Variants in PIP4K2A observed in about 807,000 individuals in gnomAD.
PIP4K2A encodes the protein phosphatidylinositol 5-phosphate 4-kinase type-2 alpha.
In PIP4K2A, 14 loss-of-function variants were observed where a neutral mutation model predicts 42.9. The observed-to-expected ratio is 0.33, with a 90% CI of 0.22 to 0.51. PIP4K2A has a LOEUF of 0.51. PIP4K2A is among the 20% of genes least tolerant of loss of function. PIP4K2A has a pLI of 0.97. For missense variants in PIP4K2A, 434 were observed against 519.8 expected, an observed-to-expected ratio of 0.83 and a Z score of 1.61; for synonymous variants, 192 against 192.2, an observed-to-expected ratio of 1.00 and a Z score of 0.01.
rs144657894 is a variant in PIP4K2A, at chr10:22,640,797, C to T, written c.145-31080G>A. ...CCTAATGCAAAGTGGAAATAAAGTG[C>T]GGATGAAACAGAGAAGCAGTTGCAG... On this transcript the variant is annotated intron_variant, in intron 1 of 9. Coordinates refer to ENST00000376573, the MANE Select transcript of PIP4K2A (RefSeq NM_005028.5). Among the ~76,000 whole-genome samples the T allele has an allele frequency of 3.1e-3, 478 of 152,116 alleles. 4 individuals carry two copies. The highest frequency in any genetic ancestry group is 9.6e-3 in the African/African-American group (400 of 41,496).
intron 1 of PIP4K2A, among the ~76,000 whole-genome samples, chr10:22,703,491 G>C (rs1833755071): frequency 6.6e-6 from 1 of 152,198 alleles, no homozygotes. Context: ...TGGCTGCTCT[G>C]AGCTTGCCTT....
intron 3 of PIP4K2A, among the ~76,000 whole-genome samples, chr10:22,593,573 G>A (rs1022111184): frequency 1.3e-5 from 2 of 152,114 alleles, no homozygotes; most frequent in Non-Finnish European, 1.5e-5. Context: ...GAACAAAAAG[G>A]AAGAAAATCA....
intron 1 of PIP4K2A, among the ~76,000 whole-genome samples, chr10:22,645,443 G>A (rs1838859754): frequency 6.6e-6 from 1 of 151,966 alleles, no homozygotes; most frequent in South Asian, 2.1e-4. Flanking sequence ...CTACTCGGGA[G>A]GCTGAGATGG....
intron 1 of PIP4K2A, among the ~76,000 whole-genome samples, chr10:22,696,396 T>C (rs1481616485): frequency 6.6e-6 from 1 of 152,204 alleles, no homozygotes. Flanking sequence ...TCTTTTCTTC[T>C]TATAAATAAC....
At chr10:22,601,479 T>C (rs988007470) in intron 3 of PIP4K2A, among the ~76,000 whole-genome samples, 2 of 152,152 alleles carry the variant, frequency 1.3e-5, no homozygotes, top group African/African-American at 4.8e-5. Flanking sequence ...GAGAGGGGCC[T>C]CCCTTGGGTC....
At chr10:22,648,124 C>A (rs1838920690) in intron 1 of PIP4K2A, among the ~76,000 whole-genome samples, 1 of 152,154 alleles carries the variant, frequency 6.6e-6, no homozygotes, top group South Asian at 2.1e-4. Flanking sequence ...CAGTCTCTGT[C>A]CTTTCAGAGT....
intron 1 of PIP4K2A, among the ~76,000 whole-genome samples, chr10:22,612,223 C>T (rs1423311580): frequency 1.3e-5 from 2 of 152,234 alleles, no homozygotes; most frequent in Non-Finnish European, 2.9e-5. Flanking sequence ...TCTTTGTCCT[C>T]TTGGGGCTTA....
At chr10:22,615,879 C>T (rs921077108) in intron 1 of PIP4K2A, among the ~76,000 whole-genome samples, 4 of 152,078 alleles carry the variant, frequency 2.6e-5, no homozygotes, top group African/African-American at 9.7e-5. Context: ...AAATTCCCCG[C>T]CCCACACAGA....
At chr10:22,701,851 A>C (rs1833721456) in intron 1 of PIP4K2A, among the ~76,000 whole-genome samples, 1 of 152,234 alleles carries the variant, frequency 6.6e-6, no homozygotes, top group Non-Finnish European at 1.5e-5. Context: ...TTTGGCTCTA[A>C]GGGCTTTGAT....
chr10:22,618,050 G>C (rs1165130533), intron 1 of PIP4K2A, among the ~76,000 whole-genome samples: 3 of 152,124 alleles, frequency 2.0e-5, no homozygotes, highest in African/African-American at 7.2e-5. Context: ...TAATTTCATA[G>C]GGAAATCAAA....
At chr10:22,615,824 T>C (rs1838165893) in intron 1 of PIP4K2A, among the ~76,000 whole-genome samples, 1 of 152,218 alleles carries the variant, frequency 6.6e-6, no homozygotes, top group South Asian at 2.1e-4. Flanking sequence ...TAGTTCTCTC[T>C]GTACTGCTGG....
At chr10:22,658,435 G>GT (rs1443251516) in intron 1 of PIP4K2A, among the ~76,000 whole-genome samples, 1 of 152,190 alleles carries the variant, frequency 6.6e-6, no homozygotes, top group Non-Finnish European at 1.5e-5. Flanking sequence ...TCATATAACT[G>GT]TAAGAATCTG....
intron 1 of PIP4K2A, among the ~76,000 whole-genome samples, chr10:22,688,936 A>G (rs1839810515): frequency 6.6e-6 from 1 of 152,218 alleles, no homozygotes; most frequent in African/African-American, 2.4e-5. Context: ...GGCTTGTTAT[A>G]ATTTATCACC....
intron 1 of PIP4K2A, among the ~76,000 whole-genome samples, chr10:22,672,009 T>C (rs1016375838): frequency 3.3e-5 from 5 of 152,196 alleles, no homozygotes; most frequent in Admixed American, 6.5e-5. Flanking sequence ...TAGACAAATA[T>C]GCAGCTATAT....
intron 3 of PIP4K2A, among the ~76,000 whole-genome samples, chr10:22,600,483 G>C (rs901707294): frequency 3.9e-5 from 6 of 152,026 alleles, no homozygotes; most frequent in Non-Finnish European, 7.4e-5. Flanking sequence ...GACCCACCAG[G>C]GGTGAGTGAG....
intron 3 of PIP4K2A, among the ~76,000 whole-genome samples, chr10:22,599,453 C>T (rs1263759518): frequency 1.3e-5 from 2 of 152,148 alleles, no homozygotes; most frequent in Non-Finnish European, 2.9e-5. Context: ...CTTTCAAGTG[C>T]CCTAGCCTAG....
chr10:22,623,746 A>G (rs1838381375), intron 1 of PIP4K2A, among the ~76,000 whole-genome samples: 2 of 152,206 alleles, frequency 1.3e-5, no homozygotes, highest in African/African-American at 4.8e-5. Flanking sequence ...AAAACAGGTA[A>G]GTGCTTAAGA....
Position 22,536,946 on chromosome 10 carries a change from C to A in PIP4K2A, c.*255G>T. The A allele has an allele frequency of 2.5e-6, 1 of 402,544 alleles. No homozygotes were observed. Among genetic ancestry groups the A allele is most frequent in the Non-Finnish European group, 4.1e-6 (1 of 244,838 alleles). The allele number at this position is 402,544 out of a possible 1,614,324, so 24.9% of individuals were successfully genotyped here. ...TTATGACTTTTAAAATGCACACGCGCGCACACACTCACCCCCCCCCAACAC... is the reference window on the plus strand; with the variant it reads ...TTATGACTTTTAAAATGCACACGCGAGCACACACTCACCCCCCCCCAACAC... On this transcript the variant is annotated 3_prime_UTR_variant, in exon 10 of 10. Coordinates refer to ENST00000376573, the MANE Select transcript of PIP4K2A (RefSeq NM_005028.5).
intron 1 of PIP4K2A, among the ~76,000 whole-genome samples, chr10:22,711,252 T>G (rs974920243): frequency 1.3e-5 from 2 of 152,230 alleles, no homozygotes; most frequent in Admixed American, 1.3e-4. Flanking sequence ...TTGAACATTT[T>G]CACCTTAATT....
Sources: allele counts gnomAD v4.1 joint callset (sites outside exome capture counted in the v4.1 genomes callset), GRCh38; gene constraint gnomAD v4.1.1; transcripts MANE v1.5; gene names NCBI Gene and HGNC (gene_info 2026-07-23, HGNC 2026-07-21).